HECW2: variants seen among roughly 807,000 people sequenced by gnomAD.
HECW2 encodes HECT, C2 and WW domain containing E3 ubiquitin protein ligase 2, also known as E3 ubiquitin-protein ligase HECW2.
A neutral mutation model predicts 175.2 loss-of-function variants in HECW2; 61 were observed. That is an observed-to-expected ratio of 0.35 (90% CI 0.28 to 0.43). The LOEUF (loss-of-function observed/expected upper bound fraction) is 0.43, where lower values mean the gene tolerates loss of function less well. Ranked by LOEUF, HECW2 falls within the 20% of genes least tolerant of loss-of-function variation. The probability of loss-of-function intolerance (pLI) is 1.00; values close to 1 mark genes in which losing one functional copy is unlikely to be tolerated. For missense variants in HECW2, 1,524 were observed against 2,000.5 expected (o/e 0.76, Z 4.54); for synonymous variants, 671 against 731.0 (o/e 0.92, Z 1.32).
At chr2:196,251,526 T>C (rs1041989069) in intron 19 of HECW2, among the ~76,000 whole-genome samples, 1 of 152,164 alleles carries the variant, frequency 6.6e-6, no homozygotes, top group Admixed American at 6.5e-5. Flanking sequence ...CAATAAAACT[T>C]GTCCAACACC....
chr2:196,314,967 A>G (rs1427227836), intron 10 of HECW2, among the ~76,000 whole-genome samples: 1 of 152,154 alleles, frequency 6.6e-6, no homozygotes, highest in Non-Finnish European at 1.5e-5. Context: ...AGCTGAGGTG[A>G]GGACAGACAA....
chr2:196,304,121 C>T (rs1032781605), intron 13 of HECW2, among the ~76,000 whole-genome samples: 1 of 152,196 alleles, frequency 6.6e-6, no homozygotes, highest in Non-Finnish European at 1.5e-5. Flanking sequence ...AATACCTTGC[C>T]AGATCATGCA....
intron 3 of HECW2, among the ~76,000 whole-genome samples, chr2:196,342,851 G>A (rs981929797): frequency 8.6e-5 from 13 of 151,874 alleles, no homozygotes; most frequent in Admixed American, 5.3e-4. Flanking sequence ...TAAATTAAGC[G>A]ATATCTTGAC....
intron 1 of HECW2, among the ~76,000 whole-genome samples, chr2:196,458,443 C>A (rs1696602695): frequency 6.6e-6 from 1 of 151,586 alleles, no homozygotes; most frequent in African/African-American, 2.4e-5. Flanking sequence ...CACTCACACA[C>A]ACACACACAC....
chr2:196,242,257 T>G, intron 19 of HECW2, 53 bp from the exon 20 acceptor site: 1 of 1,609,864 alleles, frequency 6.2e-7, no homozygotes, highest in Non-Finnish European at 8.5e-7. Flanking sequence ...CGTCCTTATG[T>G]TCATCACATC....
At chr2:196,581,361 C>T (rs987036268) in intron 1 of HECW2, among the ~76,000 whole-genome samples, 2 of 151,936 alleles carry the variant, frequency 1.3e-5, no homozygotes, top group African/African-American at 2.4e-5. Context: ...ACGGCAAAAC[C>T]CCATCTCTAC....
At chr2:196,400,246 A>G (rs1414232942) in intron 2 of HECW2, among the ~76,000 whole-genome samples, 1 of 152,216 alleles carries the variant, frequency 6.6e-6, no homozygotes, top group African/African-American at 2.4e-5. Flanking sequence ...CAAAAGAGAT[A>G]GCCTAATTAT....
At chr2:196,216,043 G>T in intron 27 of HECW2, 66 bp from the exon 28 acceptor site, 1 of 1,078,006 alleles carries the variant, frequency 9.3e-7, no homozygotes, top group Non-Finnish European at 1.4e-6. Context: ...AAGGCATCAC[G>T]TCATTCACGG....
At chr2:196,585,898 T>C (rs933368125) in intron 1 of HECW2, among the ~76,000 whole-genome samples, 6 of 152,164 alleles carry the variant, frequency 3.9e-5, no homozygotes, top group Non-Finnish European at 7.4e-5. Flanking sequence ...AGAAAGATCA[T>C]ATCCAACTGT....
At chr2:196,413,903 G>A (rs1381756410) in intron 2 of HECW2, among the ~76,000 whole-genome samples, 2 of 152,150 alleles carry the variant, frequency 1.3e-5, no homozygotes, top group African/African-American at 4.8e-5. Context: ...GAACGCGGAA[G>A]CTGTTCTTAG....
chr2:196,319,414 G>T lies in HECW2; in HGVS notation c.1476C>A (p.Ser492Arg). ...LEEEGGLIMF[S>R]RASRADDGSL... ...TTCCATCATCAGCTCTGGATGCCCTGCTAAACATGATCAGGCCTCCCTCCT... is the reference window on the plus strand; with the variant it reads ...TTCCATCATCAGCTCTGGATGCCCTTCTAAACATGATCAGGCCTCCCTCCT... Residue 492 changes from serine to arginine, a missense_variant, in exon 9 of 29, where the codon AGC becomes AGA. Coordinates refer to ENST00000644978, the MANE Select transcript of HECW2 (RefSeq NM_001348768.2). 1 of 1,613,962 alleles carries T rather than the reference G, an allele frequency of 6.2e-7. No homozygotes were observed. The highest frequency in any genetic ancestry group is 2.2e-5 in the East Asian group (1 of 44,882).
chr2:196,292,983 C>CT (rs78754952), intron 13 of HECW2, among the ~76,000 whole-genome samples: 10,585 of 152,172 alleles, frequency 0.07, 427 homozygotes, highest in East Asian at 0.13. Flanking sequence ...GTCTAGTTCT[C>CT]TTTTTTTAAC....
chr2:196,229,814 A>G (rs1363582188), intron 21 of HECW2, among the ~76,000 whole-genome samples: 1 of 152,238 alleles, frequency 6.6e-6, no homozygotes, highest in African/African-American at 2.4e-5. Context: ...CATTAAATCA[A>G]CTTTAAATCT....
At chr2:196,582,914 GA>G (rs1690844405) in intron 1 of HECW2, among the ~76,000 whole-genome samples, 1 of 152,174 alleles carries the variant, frequency 6.6e-6, no homozygotes, top group Non-Finnish European at 1.5e-5. Context: ...GCCAAGTGGG[GA>G]CACTGCCTTT....
intron 2 of HECW2, among the ~76,000 whole-genome samples, chr2:196,413,645 G>A (rs549127760): frequency 5.3e-5 from 8 of 152,134 alleles, no homozygotes; most frequent in Non-Finnish European, 1.0e-4. Flanking sequence ...ATGCCCAGCC[G>A]ACCCTGTCTC....
intron 1 of HECW2, among the ~76,000 whole-genome samples, chr2:196,448,483 A>G (rs1013804102): frequency 6.6e-6 from 1 of 152,196 alleles, no homozygotes; most frequent in Non-Finnish European, 1.5e-5. Flanking sequence ...AAGCTATATC[A>G]TATGGAACCC....
intron 13 of HECW2, among the ~76,000 whole-genome samples, chr2:196,306,197 A>C (rs1196200353): frequency 6.6e-6 from 1 of 152,228 alleles, no homozygotes; most frequent in Non-Finnish European, 1.5e-5. Context: ...ATCAGACACC[A>C]TATCTGCCAG....
intron 1 of HECW2, among the ~76,000 whole-genome samples, chr2:196,512,212 G>A (rs1163864106): frequency 1.3e-5 from 2 of 152,188 alleles, no homozygotes; most frequent in African/African-American, 4.8e-5. Context: ...CCAAACATAA[G>A]AGATTTTCAA....
At chr2:196,267,272 T>A (rs1125158) in intron 17 of HECW2, among the ~76,000 whole-genome samples, 74,084 of 152,086 alleles carry the variant, frequency 0.49, 20,693 homozygotes, top group Non-Finnish European at 0.63. Flanking sequence ...AAAATTTTAT[T>A]GAATTTTTAA....
Sources: allele counts gnomAD v4.1 joint callset (sites outside exome capture counted in the v4.1 genomes callset), GRCh38; gene constraint gnomAD v4.1.1; transcripts MANE v1.5; gene names NCBI Gene and HGNC (gene_info 2026-07-23, HGNC 2026-07-21).